SORCS3: variants seen among roughly 807,000 people sequenced by gnomAD.
The protein encoded by SORCS3 is VPS10 domain-containing receptor SorCS3.
A neutral mutation model predicts 146.3 loss-of-function variants in SORCS3; 57 were observed. The observed-to-expected ratio is 0.39, with a 90% CI of 0.31 to 0.49. SORCS3 has a LOEUF of 0.49. Among genes scored for constraint, SORCS3 ranks in the 20% least tolerant of loss-of-function variants. The pLI, the probability that SORCS3 is intolerant of heterozygous loss-of-function variation, is 0.92. For missense variants in SORCS3, 1,341 were observed against 1,575.5 expected (o/e 0.85, Z 2.52); for synonymous variants, 653 against 618.5 (o/e 1.06, Z -0.83).
At chr10:104,708,482 T>G (rs1748768069) in intron 1 of SORCS3, among the ~76,000 whole-genome samples, 2 of 152,166 alleles carry the variant, frequency 1.3e-5, no homozygotes. Flanking sequence ...CAATGAGAGA[T>G]GTTAGGCCAA....
rs536223939 is a variant in SORCS3 at position 105,170,825 on chromosome 10, A to G, written c.1901+3476A>G. The stretch of plus-strand genomic sequence containing the variant: ...GGGCTTGACAATGTTATTATCATCA[A>G]TGTTTTCTTATGAAATTGTTGACTG... On this transcript the variant is annotated intron_variant, in intron 13 of 26. Coordinates refer to ENST00000369701, the MANE Select transcript of SORCS3 (RefSeq NM_014978.3). Among the ~76,000 whole-genome samples the G allele has an allele frequency of 3.9e-5, 6 of 152,246 alleles. No homozygotes were observed. In the South Asian group the frequency reaches 6.2e-4, roughly 16 times the overall value.
chr10:104,729,493 A>G (rs2016682179), intron 1 of SORCS3, among the ~76,000 whole-genome samples: 2 of 152,224 alleles, frequency 1.3e-5, no homozygotes, highest in Admixed American at 1.3e-4. Flanking sequence ...AAGATGGGAG[A>G]CACAATGGAT....
intron 1 of SORCS3, among the ~76,000 whole-genome samples, chr10:104,742,014 A>G (rs1408592353): frequency 6.6e-6 from 1 of 151,790 alleles, no homozygotes; most frequent in African/African-American, 2.4e-5. Flanking sequence ...TTTTTAAAAA[A>G]TTGTATCCTG....
chr10:104,945,766 G>A (rs1171422291), intron 3 of SORCS3, among the ~76,000 whole-genome samples: 3 of 151,264 alleles, frequency 2.0e-5, no homozygotes, highest in African/African-American at 7.3e-5. Flanking sequence ...AATTAAGCAT[G>A]CACACACATA....
intron 19 of SORCS3, among the ~76,000 whole-genome samples, chr10:105,218,274 A>G (rs982304950): frequency 6.6e-6 from 1 of 152,158 alleles, no homozygotes; most frequent in Non-Finnish European, 1.5e-5. Context: ...AATCTCCTGA[A>G]CTCCAATTTT....
intron 1 of SORCS3, among the ~76,000 whole-genome samples, chr10:104,792,639 G>A (rs954126828): frequency 6.6e-6 from 1 of 151,952 alleles, no homozygotes; most frequent in African/African-American, 2.4e-5. Flanking sequence ...AAGTATTCTT[G>A]GTATCAAGGT....
chr10:104,679,642 G>T (rs569850752), intron 1 of SORCS3, among the ~76,000 whole-genome samples: 1 of 152,318 alleles, frequency 6.6e-6, no homozygotes, highest in East Asian at 1.9e-4. Context: ...CAGGGACTTG[G>T]ATGGCCTTCT....
intron 1 of SORCS3, among the ~76,000 whole-genome samples, chr10:104,772,973 T>G (rs1284783683): frequency 1.3e-5 from 2 of 152,182 alleles, no homozygotes; most frequent in Non-Finnish European, 2.9e-5. Context: ...CCATTACCAA[T>G]AATTAGTAAA....
chr10:104,667,145 A>G (rs2015789792), intron 1 of SORCS3, among the ~76,000 whole-genome samples: 1 of 152,202 alleles, frequency 6.6e-6, no homozygotes, highest in Admixed American at 6.5e-5. Context: ...GTGCATAGGA[A>G]CTACTTATGT....
chr10:104,976,930 G>A (rs1477595789), intron 3 of SORCS3, among the ~76,000 whole-genome samples: 12 of 151,868 alleles, frequency 7.9e-5, no homozygotes, highest in Non-Finnish European at 1.8e-4. Flanking sequence ...AAGGTGGGAG[G>A]GATAGCATTA....
intron 14 of SORCS3, among the ~76,000 whole-genome samples, chr10:105,190,650 C>G (rs528743744): frequency 6.6e-6 from 1 of 152,270 alleles, no homozygotes; most frequent in Admixed American, 6.5e-5. Context: ...GATCTGCCCA[C>G]CTCGGCCTCC....
chr10:104,720,163 T>A (rs77561871), intron 1 of SORCS3, among the ~76,000 whole-genome samples: 2,717 of 152,080 alleles, frequency 0.018, 80 homozygotes, highest in African/African-American at 0.062. Flanking sequence ...TGTGTCATGT[T>A]CCCCTTCCTG....
intron 5 of SORCS3, among the ~76,000 whole-genome samples, chr10:105,051,612 A>C (rs560918265): frequency 6.6e-6 from 1 of 152,206 alleles, no homozygotes; most frequent in East Asian, 1.9e-4. Flanking sequence ...GGCTTCCTGG[A>C]AAATGAAGAT....
intron 2 of SORCS3, among the ~76,000 whole-genome samples, chr10:104,860,861 C>A (rs761712234): frequency 1.2e-4 from 19 of 152,140 alleles, no homozygotes; most frequent in Non-Finnish European, 2.2e-4. Flanking sequence ...GTGCGCTTGA[C>A]CCTCTGCAAG....
intron 2 of SORCS3, among the ~76,000 whole-genome samples, chr10:104,900,006 A>C (rs952288565): frequency 6.6e-6 from 1 of 151,982 alleles, no homozygotes; most frequent in African/African-American, 2.4e-5. Context: ...CTCCCTGGGG[A>C]TTAAGCTTCA....
intron 3 of SORCS3, among the ~76,000 whole-genome samples, chr10:104,953,700 G>A (rs1441897260): frequency 6.6e-6 from 1 of 152,166 alleles, no homozygotes; most frequent in Non-Finnish European, 1.5e-5. Context: ...TTTCTGCTCT[G>A]TAATAGTTTT....
intron 2 of SORCS3, among the ~76,000 whole-genome samples, chr10:104,860,837 T>G (rs2018393263): frequency 1.3e-5 from 2 of 152,214 alleles, no homozygotes; most frequent in South Asian, 4.1e-4. Context: ...CTAAGCCCTC[T>G]GATTCTAGAG....
chr10:104,949,110 C>G (rs998547797), intron 3 of SORCS3, among the ~76,000 whole-genome samples: 11 of 151,538 alleles, frequency 7.3e-5, no homozygotes, highest in African/African-American at 2.4e-4. Context: ...TTTTTTTTTT[C>G]ATGCTTAAAA....
intron 25 of SORCS3, among the ~76,000 whole-genome samples, chr10:105,257,471 CAT>C (rs762467561): frequency 2.6e-5 from 4 of 152,252 alleles, no homozygotes; most frequent in Non-Finnish European, 4.4e-5. Context: ...CAAAACTCCA[CAT>C]GTCTTGAGAA....
Sources: allele counts gnomAD v4.1 joint callset (sites outside exome capture counted in the v4.1 genomes callset), GRCh38; gene constraint gnomAD v4.1.1; transcripts MANE v1.5; gene names NCBI Gene and HGNC (gene_info 2026-07-23, HGNC 2026-07-21).